KCNQ3: variants seen among roughly 807,000 people sequenced by gnomAD.
KCNQ3 encodes potassium voltage-gated channel subfamily Q member 3, also known as potassium voltage-gated channel subfamily KQT member 3.
In KCNQ3, 30 loss-of-function variants were observed where a neutral mutation model predicts 92.5. That is an observed-to-expected ratio of 0.32 (90% CI 0.24 to 0.44). KCNQ3 has a LOEUF of 0.44. Ranked by LOEUF, KCNQ3 falls within the 20% of genes least tolerant of loss-of-function variation. The probability of loss-of-function intolerance (pLI) is 1.00; values close to 1 mark genes in which losing one functional copy is unlikely to be tolerated. For missense variants in KCNQ3, 913 were observed against 1,140.3 expected (o/e 0.80, Z 2.87); for synonymous variants, 450 against 468.8 (o/e 0.96, Z 0.52).
intron 1 of KCNQ3, among the ~76,000 whole-genome samples, chr8:132,258,044 A>C (rs13279891): frequency 0.44 from 67,464 of 151,962 alleles, 17,140 homozygotes; most frequent in East Asian, 0.72. Flanking sequence ...GGGAGAAATA[A>C]ACAGTTTAAA....
rs754551218 is a variant in KCNQ3 at position 132,184,283 on chromosome 8, G to A, written c.562C>T (p.Arg188Trp). The A allele has an allele frequency of 2.8e-5, 45 of 1,614,014 alleles. No homozygotes were observed. Among genetic ancestry groups the A allele is most frequent in the Admixed American group, 1.7e-5 (1 of 60,000 alleles). ...AGCCCRYKGW[R>W]GRLKFARKPL... Reference sequence around the variant, plus strand: ...TTCCTGGCAAACTTCAGTCGGCCCCGCCAGCCTTTGTATCGGCAGCAACAT... The same window carrying A: ...TTCCTGGCAAACTTCAGTCGGCCCCACCAGCCTTTGTATCGGCAGCAACAT... The change falls in exon 3 of 15, where the codon CGG becomes TGG. Residue 188 changes from arginine (R) to tryptophan (W), a missense_variant. Around this residue, in one of 6 missense-constraint regions of KCNQ3, gnomAD observed 100 missense variants for 217.6 expected, o/e 0.46. Transcript: ENST00000388996.
intron 1 of KCNQ3, among the ~76,000 whole-genome samples, chr8:132,475,748 T>C (rs1286332377): frequency 6.6e-6 from 1 of 152,166 alleles, no homozygotes; most frequent in Non-Finnish European, 1.5e-5. Flanking sequence ...AGCCTGACCA[T>C]GTGGTAGAAA....
At chr8:132,385,150 C>T (rs1819857758) in intron 1 of KCNQ3, among the ~76,000 whole-genome samples, 1 of 152,214 alleles carries the variant, frequency 6.6e-6, no homozygotes. Flanking sequence ...ACAGGCAGCC[C>T]CCTTGCCCCA....
At chr8:132,323,482 C>T (rs538552381) in intron 1 of KCNQ3, among the ~76,000 whole-genome samples, 7 of 152,250 alleles carry the variant, frequency 4.6e-5, no homozygotes, top group South Asian at 4.1e-4. Flanking sequence ...ATTCTTTGGT[C>T]GCTTACAGAA....
chr8:132,147,353 T>A (rs538299845), intron 9 of KCNQ3, among the ~76,000 whole-genome samples: 1 of 152,212 alleles, frequency 6.6e-6, no homozygotes, highest in South Asian at 2.1e-4. Flanking sequence ...CATAAGCTAT[T>A]TTTTTTGGAG....
chr8:132,170,484 C>T (rs1826295323), intron 7 of KCNQ3, 56 bp from the exon 8 acceptor site: 1 of 1,041,212 alleles, frequency 9.6e-7, no homozygotes, highest in South Asian at 1.3e-5. Context: ...AACTTTCGCA[C>T]AGACTCCCAC....
chr8:132,400,055 C>T (rs1250435646), intron 1 of KCNQ3, among the ~76,000 whole-genome samples: 1 of 152,158 alleles, frequency 6.6e-6, no homozygotes, highest in Non-Finnish European at 1.5e-5. Flanking sequence ...GGGAAGGCTT[C>T]CTGGAAGCAA....
chr8:132,386,849 C>T (rs561984149), intron 1 of KCNQ3, among the ~76,000 whole-genome samples: 9 of 152,076 alleles, frequency 5.9e-5, no homozygotes, highest in Non-Finnish European at 1.2e-4. Flanking sequence ...TAAGGAAAAA[C>T]AGAAATTCTC....
Position 132,126,727 on chromosome 8 carries a change from C to T in KCNQ3, c.*2535G>A, listed in dbSNP as rs552799155. ...TCCAGCAGGGAAGCTAGACTGCCTG[C>T]CTATGGTTTAGGAAATAATACAAGC... On this transcript the variant is annotated 3_prime_UTR_variant, in exon 15 of 15. Transcript: ENST00000388996. 6.6e-6 allele frequency: 1 copy of T among 152,074 alleles called. No homozygotes were observed. The highest frequency in any genetic ancestry group is 2.1e-4 in the South Asian group (1 of 4,806). 9.4% of individuals were successfully genotyped at this position (152,074 alleles called of 1,614,324 possible).
intron 1 of KCNQ3, among the ~76,000 whole-genome samples, chr8:132,311,922 T>C (rs1563853759): frequency 6.6e-6 from 1 of 152,108 alleles, no homozygotes; most frequent in Non-Finnish European, 1.5e-5. Context: ...ATACTGGAGT[T>C]GCGTGGGAAC....
chr8:132,154,035 A>T (rs1825717193), intron 9 of KCNQ3, among the ~76,000 whole-genome samples: 1 of 151,360 alleles, frequency 6.6e-6, no homozygotes, highest in African/African-American at 2.4e-5. Context: ...TCCTCTCTTC[A>T]TTGATAGGTA....
At chr8:132,175,204 C>A (rs1826507234) in intron 5 of KCNQ3, among the ~76,000 whole-genome samples, 1 of 152,110 alleles carries the variant, frequency 6.6e-6, no homozygotes, top group Non-Finnish European at 1.5e-5. Flanking sequence ...AGGCTAAGTC[C>A]ATAAACGACC....
At chr8:132,281,743 G>A (rs1215934292) in intron 1 of KCNQ3, among the ~76,000 whole-genome samples, 3 of 152,050 alleles carry the variant, frequency 2.0e-5, no homozygotes, top group Admixed American at 6.6e-5. Flanking sequence ...TGCAGCCTGG[G>A]AGAACTTTAC....
At position 132,479,949 on chromosome 8, in the gene KCNQ3, A is replaced by AACACACACACACACAC. The variant is rs371967111; in HGVS notation, c.386+182_386+197dup. ...TAGTGTGGAACACCCGGAGAGCGGC[A>AACACACACACACACAC]ACACACACACACACACACACACACA... is the stretch of plus-strand genomic sequence containing the variant. On this transcript the variant is annotated intron_variant, in intron 1 of 14. Transcript: ENST00000388996. 6.4e-3 allele frequency among the ~76,000 whole-genome samples: 873 copies of AACACACACACACACAC among 137,132 alleles called. 9 individuals are homozygous for AACACACACACACACAC. Among genetic ancestry groups the AACACACACACACACAC allele is most frequent in the Middle Eastern group, 0.02 (5 of 252 alleles). 90.0% of individuals were successfully genotyped at this position (137,132 alleles called of 152,430 possible). A position where few individuals can be genotyped will look rare whatever the true frequency, so the allele number is the denominator to read the frequency against.
At chr8:132,228,277 A>C (rs1814497427) in intron 1 of KCNQ3, among the ~76,000 whole-genome samples, 1 of 152,168 alleles carries the variant, frequency 6.6e-6, no homozygotes. Context: ...GTGACAAATG[A>C]ATAATTGTAT....
intron 1 of KCNQ3, among the ~76,000 whole-genome samples, chr8:132,445,658 CCCCA>C (rs1010653437): frequency 1.5e-5 from 2 of 131,158 alleles, no homozygotes; most frequent in Non-Finnish European, 1.6e-5. Flanking sequence ...CTGTGATTAG[CCCCA>C]CCCACCCACC....
intron 1 of KCNQ3, among the ~76,000 whole-genome samples, chr8:132,439,646 AGAGT>A (rs1015919538): frequency 1.3e-5 from 2 of 152,054 alleles, no homozygotes; most frequent in Non-Finnish European, 2.9e-5. Flanking sequence ...GAGAGGAGTC[AGAGT>A]GAGAGAGAGA....
At chr8:132,149,134 T>A (rs17653044) in intron 9 of KCNQ3, among the ~76,000 whole-genome samples, 1 of 152,256 alleles carries the variant, frequency 6.6e-6, no homozygotes, top group Non-Finnish European at 1.5e-5. Context: ...TCTTAGCTGA[T>A]CTAACCAATT....
In KCNQ3 at chr8:132,479,501, T is replaced by C. The variant is rs1822492853; in HGVS notation, c.386+646A>G. On this transcript the variant is annotated intron_variant, in intron 1 of 14. Transcript: ENST00000388996. ...CTCAGTCTAGGCTTAGACACACACG[T>C]TCCCATTCACTTCCCTAAAAGGAAT... Among the ~76,000 whole-genome samples the C allele has an allele frequency of 2.6e-5, 4 of 152,020 alleles. No individual in the cohort carries two copies. In the South Asian group the frequency reaches 8.3e-4, roughly 32 times the overall value.
Sources: gnomAD v4.1 joint callset for allele counts (sites outside exome capture counted in the v4.1 genomes callset) on GRCh38, gnomAD v4.1.1 for gene constraint, gnomAD v4.1.1 regional missense constraint, MANE v1.5 for transcripts, NCBI Gene and HGNC (gene_info 2026-07-23, HGNC 2026-07-21) for gene names.